SLC7A9: variants seen among roughly 807,000 people sequenced by gnomAD.
SLC7A9 encodes solute carrier family 7 member 9.
SLC7A9 carries 38 observed loss-of-function variants against 54.1 expected under a neutral mutation model. The observed-to-expected ratio is 0.70, with a 90% CI of 0.54 to 0.92. The LOEUF is 0.92. Among genes scored for constraint, SLC7A9 ranks in the 40% least tolerant of loss-of-function variants. The pLI is 0.00. For synonymous variants in SLC7A9, 264 were observed against 258.9 expected (o/e 1.02, Z -0.19); for missense variants, 537 against 636.1 (o/e 0.84, Z 1.68).
chr19:32,844,857 C>CAAAAAAAAAAAAAAA lies in SLC7A9; in HGVS notation c.978-921_978-907dup, dbSNP rs386388892. Among the ~76,000 whole-genome samples the CAAAAAAAAAAAAAAA allele has an allele frequency of 8.6e-4, 26 of 30,314 alleles. 7 individuals are homozygous for CAAAAAAAAAAAAAAA. Among genetic ancestry groups the CAAAAAAAAAAAAAAA allele is most frequent in the Non-Finnish European group, 8.8e-4 (15 of 16,988 alleles). 19.9% of individuals were successfully genotyped at this position (30,314 alleles called of 152,430 possible). On this transcript the variant is annotated intron_variant, in intron 9 of 12. Coordinates refer to ENST00000023064, the MANE Select transcript of SLC7A9 (RefSeq NM_014270.5). ...TGGACGACAGAGTGAGAATCCATCT[C>CAAAAAAAAAAAAAAA]AAAAAAAAAAAAAAAAAAAAAAAAA...
Position 32,865,088 on chromosome 19 carries a change from T to C in SLC7A9, c.88-312A>G, listed in dbSNP as rs112150896. On this transcript the variant is annotated intron_variant, in intron 2 of 12. Transcript: ENST00000023064. ...GTTTACAGCTAGAGAGGGGGAAACCTGGCTCAGGTTCCACGTGCCTAACCG... is the reference window on the plus strand; with the variant it reads ...GTTTACAGCTAGAGAGGGGGAAACCCGGCTCAGGTTCCACGTGCCTAACCG... Among the ~76,000 whole-genome samples the C allele has an allele frequency of 1.7e-4, 26 of 152,308 alleles. 1 individual carries two copies. Among genetic ancestry groups the C allele is most frequent in the African/African-American group, 6.3e-4 (26 of 41,580 alleles).
chr19:32,868,694 GTCCC>G (rs1420416164), intron 1 of SLC7A9, 49 bp from the exon 2 acceptor site: 1 of 696,802 alleles, frequency 1.4e-6, no homozygotes, highest in South Asian at 1.5e-5. Flanking sequence ...GCCGCTGCCA[GTCCC>G]TCAGGGCTCA....
intron 8 of SLC7A9, 93 bp from the exon 9 acceptor site, chr19:32,858,636 A>G: frequency 1.0e-6 from 1 of 960,184 alleles, no homozygotes; most frequent in Non-Finnish European, 1.6e-6. Context: ...CAGGGGACCC[A>G]GGGACCCACC....
Position 32,864,690 on chromosome 19 carries a change from G to A in SLC7A9, c.174C>T (p.Asn58=), listed in dbSNP as rs759994099. 1.2e-6 allele frequency: 2 copies of A among 1,614,174 alleles called. No individual in the cohort carries two copies. Among genetic ancestry groups the A allele is most frequent in the Non-Finnish European group, 8.5e-7 (1 of 1,180,040 alleles). Residue 58 remains asparagine, a synonymous_variant, in exon 3 of 13, where the codon AAC becomes AAT. Transcript: ENST00000023064. ...IFVSPKSVLS[N]TEAVGPCLII... The stretch of plus-strand genomic sequence containing the variant: ...TGAGGCAGGGCCCCACAGCTTCCGT[G>A]TTGCTGAGCACAGACTTGGGGGAAA...
intron 6 of SLC7A9, 42 bp from the exon 7 acceptor site, chr19:32,860,692 C>T (rs1968775051): frequency 1.2e-6 from 2 of 1,612,932 alleles, no homozygotes; most frequent in South Asian, 2.2e-5. Flanking sequence ...CCTTGACTTT[C>T]TTTTTCGATA....
chr19:32,844,824 C>G (rs1412117017), intron 9 of SLC7A9, among the ~76,000 whole-genome samples: 1 of 128,548 alleles, frequency 7.8e-6, no homozygotes, highest in Non-Finnish European at 1.6e-5. Flanking sequence ...GCACTCCAGA[C>G]TCCAGCCTGG....
chr19:32,855,463 G>T (rs1353582831), intron 9 of SLC7A9, among the ~76,000 whole-genome samples: 1 of 152,186 alleles, frequency 6.6e-6, no homozygotes, highest in Non-Finnish European at 1.5e-5. Flanking sequence ...ACTTTGGGAG[G>T]CCAAGGCGGG....
intron 11 of SLC7A9, among the ~76,000 whole-genome samples, chr19:32,839,510 G>A (rs1010188074): frequency 1.6e-4 from 24 of 145,490 alleles, no homozygotes; most frequent in African/African-American, 4.6e-4. Context: ...CTGAGATGGC[G>A]CCACTGCATT....
intron 9 of SLC7A9, among the ~76,000 whole-genome samples, chr19:32,853,707 A>G (rs895778642): frequency 7.2e-5 from 11 of 152,082 alleles, no homozygotes; most frequent in African/African-American, 2.7e-4. Context: ...ACTTGAGGCC[A>G]GGAGTTTAAG....
chr19:32,864,135 G>A lies in SLC7A9; in HGVS notation c.439C>T (p.Pro147Ser). 1 of 1,614,210 alleles carries A rather than the reference G, an allele frequency of 6.2e-7. No homozygotes were observed. The highest frequency in any genetic ancestry group is 8.5e-7 in the Non-Finnish European group (1 of 1,180,032). ...CAPFYVGCKPPQIVVKCLAAA... is the reference protein window; with the variant it reads ...CAPFYVGCKPSQIVVKCLAAA... ...GCCAGGCATTTCACAACGATTTGAG[G>A]AGGCTTGCAGCCCACATAGAAGGGC... Residue 147 changes from proline (P) to serine (S), a missense_variant, in exon 4 of 13, where the codon CCT becomes TCT. By Grantham distance (74) the Pro-to-Ser change is moderately conservative. Transcript: ENST00000023064.
At chr19:32,843,284 C>G (rs918019281) in intron 10 of SLC7A9, among the ~76,000 whole-genome samples, 1 of 152,008 alleles carries the variant, frequency 6.6e-6, no homozygotes, top group Non-Finnish European at 1.5e-5. Flanking sequence ...TGGTGAAACC[C>G]CATCTCTACT....
intron 7 of SLC7A9, chr19:32,860,368 C>A (rs1968762637): frequency 7.4e-7 from 1 of 1,347,516 alleles, no homozygotes; most frequent in Non-Finnish European, 9.7e-7. Context: ...ACCAGCCTGG[C>A]CAACATGGCA....
Position 32,833,144 on chromosome 19 carries a change from C to T in SLC7A9, c.1399+5G>A, listed in dbSNP as rs1599648136. The T allele has an allele frequency of 6.2e-7, 1 of 1,613,658 alleles. No homozygotes were observed. Among genetic ancestry groups the T allele is most frequent in the Non-Finnish European group, 8.5e-7 (1 of 1,179,558 alleles). On this transcript the variant is annotated splice_donor_5th_base_variant and intron_variant, in intron 12 of 12. Coordinates refer to ENST00000023064, the MANE Select transcript of SLC7A9 (RefSeq NM_014270.5). ...AGGCCAAGCGGCCCTTCTGTTGGTACTTACTTGAGATTTTCTGAGCCCATC... is the reference window on the plus strand; with the variant it reads ...AGGCCAAGCGGCCCTTCTGTTGGTATTTACTTGAGATTTTCTGAGCCCATC...
At chr19:32,835,160 GAT>G (rs1308225285) in intron 11 of SLC7A9, among the ~76,000 whole-genome samples, 1 of 152,154 alleles carries the variant, frequency 6.6e-6, no homozygotes, top group Non-Finnish European at 1.5e-5. Context: ...ACCTAGTCAT[GAT>G]ATATTATCTT....
intron 9 of SLC7A9, among the ~76,000 whole-genome samples, chr19:32,855,995 T>C (rs901957340): frequency 6.6e-6 from 1 of 152,084 alleles, no homozygotes; most frequent in Non-Finnish European, 1.5e-5. Flanking sequence ...ATACATGAAA[T>C]CTAAAAATTC....
chr19:32,861,987 T>C, intron 6 of SLC7A9, 131 bp downstream of exon 6: 3 of 753,366 alleles, frequency 4.0e-6, no homozygotes, highest in African/African-American at 1.7e-5. Context: ...AAAAAGGAAA[T>C]GTGAGGGTGA....
At chr19:32,854,010 A>AT (rs552766727) in intron 9 of SLC7A9, among the ~76,000 whole-genome samples, 4,646 of 143,036 alleles carry the variant, frequency 0.032, 78 homozygotes, top group East Asian at 0.048. Flanking sequence ...AAGACTCAGT[A>AT]TTTTTTTTTT....
intron 9 of SLC7A9, among the ~76,000 whole-genome samples, chr19:32,847,822 A>G (rs1171003456): frequency 6.6e-6 from 1 of 152,216 alleles, no homozygotes; most frequent in Non-Finnish European, 1.5e-5. Flanking sequence ...AGCCGGTCAG[A>G]CTAACAGCGG....
At position 32,864,316 on chromosome 19, in the gene SLC7A9, A is replaced by T. The variant is rs1039705596; in HGVS notation, c.258T>A (p.Leu86=). Residue 86 remains leucine (L), a synonymous_variant, in exon 4 of 13, where the codon CTT becomes CTA. Transcript: ENST00000023064. ...CCCCTGACTTGGTGATCATTGTGCC[A>T]AGCTCCGCAAAGCACAGGGCACCTG... ...ATLGALCFAE[L]GTMITKSGGE... is the part of the protein sequence containing the mutation. 6.2e-7 allele frequency: 1 copy of T among 1,613,888 alleles called. No homozygotes were observed. Among genetic ancestry groups the T allele is most frequent in the Non-Finnish European group, 8.5e-7 (1 of 1,180,008 alleles).
Sources: gnomAD v4.1 joint callset for allele counts (sites outside exome capture counted in the v4.1 genomes callset) on GRCh38, gnomAD v4.1.1 for gene constraint, MANE v1.5 for transcripts, NCBI Gene and HGNC (gene_info 2026-07-23, HGNC 2026-07-21) for gene names.